The following TLDC2 variants were observed in gnomAD, a reference collection of about 807,000 sequenced individuals.
The protein encoded by TLDC2 is TLD domain-containing protein 2.
In TLDC2, 23 loss-of-function variants were observed where a neutral mutation model predicts 27.9. The observed-to-expected ratio is 0.82, with a 90% CI of 0.59 to 1.17. The LOEUF (loss-of-function observed/expected upper bound fraction) is 1.17. TLDC2 is among the 50% of genes most tolerant of loss of function. TLDC2 has a pLI of 0.00. For missense variants in TLDC2, 286 were observed against 273.4 expected (o/e 1.05, Z -0.32); for synonymous variants, 124 against 107.4 (o/e 1.16, Z -0.96).
At position 36,888,704 on chromosome 20, in the gene TLDC2, C is replaced by CA. The variant is rs35828858; in HGVS notation, c.513-523dup. Among the ~76,000 whole-genome samples, 469 of 62,682 alleles carry CA rather than the reference C, an allele frequency of 7.5e-3. 8 individuals carry two copies. Among genetic ancestry groups the CA allele is most frequent in the Middle Eastern group, 0.05 (4 of 80 alleles). 41.1% of individuals were successfully genotyped at this position (62,682 alleles called of 152,430 possible). On this transcript the variant is annotated intron_variant, in intron 5 of 6. Transcript: ENST00000217320. ...CTGGGCGACAGAGCAAGACTCCTAT[C>CA]AAAAAAAAAAAAAAAAAAAAAAAAT...
chr20:36,877,665 G>T (rs912240170), intron 1 of TLDC2, among the ~76,000 whole-genome samples: 2 of 152,170 alleles, frequency 1.3e-5, no homozygotes, highest in African/African-American at 2.4e-5. Context: ...TGGCGGGGGT[G>T]GGGGGACTGT....
chr20:36,877,609 C>T lies in TLDC2; in HGVS notation c.34-290C>T, dbSNP rs185110476. On this transcript the variant is annotated intron_variant, in intron 1 of 6. Transcript: ENST00000217320. The stretch of plus-strand genomic sequence containing the variant: ...CCACCCAGGACCATGGCAAACAGAC[C>T]GACAAGTCGCACGGCCCACGGCCCC... 4.5e-4 allele frequency among the ~76,000 whole-genome samples: 69 copies of T among 152,260 alleles called. 1 individual carries two copies. Among genetic ancestry groups the T allele is most frequent in the Admixed American group, 1.0e-3 (16 of 15,298 alleles).
intron 1 of TLDC2, among the ~76,000 whole-genome samples, chr20:36,877,320 G>A (rs4293610): frequency 0.29 from 43,930 of 149,396 alleles, 6,700 homozygotes; most frequent in Middle Eastern, 0.33. Flanking sequence ...GCCAGAGGTC[G>A]CAGTGAGCTG....
At chr20:36,879,311 A>C in intron 3 of TLDC2, 118 bp downstream of exon 3, 1 of 1,292,034 alleles carries the variant, frequency 7.7e-7, no homozygotes, top group Non-Finnish European at 1.0e-6. Flanking sequence ...GTCACCTATA[A>C]TGGACACTGA....
At chr20:36,876,339 G>C in intron 1 of TLDC2, 132 bp downstream of exon 1, 2 of 1,253,716 alleles carry the variant, frequency 1.6e-6, no homozygotes, top group Non-Finnish European at 2.3e-6. Flanking sequence ...TCCCTGGCAG[G>C]CCTGTGGTTT....
rs1424868252 is a variant in TLDC2, at chr20:36,887,480, CT to C, written c.467del (p.Phe156SerfsTer3). The C allele has an allele frequency of 9.9e-6, 16 of 1,614,130 alleles. No individual in the cohort carries two copies. The highest frequency in any genetic ancestry group is 1.4e-5 in the Non-Finnish European group (16 of 1,180,010). ...LKVFKWTGSN[S>X]FFVKGDLDSL... Reference sequence around the variant, plus strand: ...GTCTTTAAGTGGACTGGAAGCAACTCTTTCTTTGTGAAGGGAGACTTGGATT... The same window carrying C: ...GTCTTTAAGTGGACTGGAAGCAACTCTTCTTTGTGAAGGGAGACTTGGATT... On this transcript the variant is annotated frameshift_variant, in exon 5 of 7. Coordinates refer to ENST00000217320, the MANE Select transcript of TLDC2 (RefSeq NM_080628.3). LOFTEE classifies it high-confidence loss of function.
In TLDC2 at chr20:36,893,183, T is replaced by C; in HGVS notation, c.*339T>C. The stretch of plus-strand genomic sequence containing the variant: ...ATCTTGCATATAGATTGCTTCTAGC[T>C]GTCCTCAATCCAGGGAAACTCCAAA... On this transcript the variant is annotated 3_prime_UTR_variant, in exon 7 of 7. Transcript: ENST00000217320. 2.3e-6 allele frequency: 3 copies of C among 1,306,382 alleles called. No individual in the cohort carries two copies. In the South Asian group the frequency reaches 3.7e-5, roughly 16 times the overall value. The allele number at this position is 1,306,382 out of a possible 1,614,324, so 80.9% of individuals were successfully genotyped here.
intron 5 of TLDC2, among the ~76,000 whole-genome samples, 199 bp from the exon 6 acceptor site, chr20:36,889,052 T>C (rs192296355): frequency 6.0e-5 from 9 of 151,032 alleles, no homozygotes; most frequent in African/African-American, 1.2e-4. Flanking sequence ...AATAAACAAA[T>C]AAATAAATAA....
chr20:36,884,051 G>A (rs897828198), intron 4 of TLDC2, among the ~76,000 whole-genome samples: 1 of 152,174 alleles, frequency 6.6e-6, no homozygotes, highest in Non-Finnish European at 1.5e-5. Flanking sequence ...TTGAGATCGT[G>A]CTGCTGCACT....
rs998224202 is a variant in TLDC2 at position 36,886,165 on chromosome 20, G to A, written c.439-1290G>A. Reference sequence around the variant, plus strand: ...TTTTTTAGAGTTGGGGTCTTGCGCTGTTATCCACGCTAGAGTGCAGTGGTG... The same window carrying A: ...TTTTTTAGAGTTGGGGTCTTGCGCTATTATCCACGCTAGAGTGCAGTGGTG... On this transcript the variant is annotated intron_variant, in intron 4 of 6. Transcript: ENST00000217320. Among the ~76,000 whole-genome samples the A allele has an allele frequency of 9.2e-5, 14 of 152,208 alleles. 1 individual carries two copies. The highest frequency in any genetic ancestry group is 2.0e-4 in the Admixed American group (3 of 15,272).
At chr20:36,880,524 C>T (rs1345065562) in intron 3 of TLDC2, 131 bp from the exon 4 acceptor site, 1 of 667,628 alleles carries the variant, frequency 1.5e-6, no homozygotes, top group East Asian at 2.7e-5. Context: ...GTGGAGCCCC[C>T]ATGCCCCAGC....
At chr20:36,876,880 T>C (rs1414498088) in intron 1 of TLDC2, among the ~76,000 whole-genome samples, 1 of 152,104 alleles carries the variant, frequency 6.6e-6, no homozygotes, top group Admixed American at 6.5e-5. Context: ...ACAAACACAT[T>C]GATATATAAA....
rs1271391369 is a variant in TLDC2, at chr20:36,877,315, A to C, written c.34-584A>C. Among the ~76,000 whole-genome samples, 4 of 149,294 alleles carry C rather than the reference A, an allele frequency of 2.7e-5. No individual in the cohort carries two copies. In the East Asian group the frequency reaches 7.9e-4, roughly 29 times the overall value. The stretch of plus-strand genomic sequence containing the variant: ...AGAATTGCTTTAACCTGGGAGCCAG[A>C]GGTCGCAGTGAGCTGACATTGCACC... On this transcript the variant is annotated intron_variant, in intron 1 of 6. Transcript: ENST00000217320.
rs761959195 is a variant in TLDC2, at chr20:36,880,739, C to G, written c.427C>G (p.Pro143Ala). 1.1e-5 allele frequency: 17 copies of G among 1,614,106 alleles called. No homozygotes were observed. Among genetic ancestry groups the G allele is most frequent in the Non-Finnish European group, 1.4e-5 (17 of 1,179,936 alleles). Residue 143 changes from proline to alanine, a missense_variant, in exon 4 of 7, where the codon CCA (proline) becomes GCA (alanine). By Grantham distance (27) the Pro-to-Ala change is conservative. Coordinates refer to ENST00000217320, the MANE Select transcript of TLDC2 (RefSeq NM_080628.3). ...TGETFLFSFSPQLKVFKWTGS... is the reference protein window; with the variant it reads ...TGETFLFSFSAQLKVFKWTGS... ...CGAGACATTCCTCTTCTCCTTCTCCCCACAGCTGAAGGTGATGTTCCCAAC... is the reference window on the plus strand; with the variant it reads ...CGAGACATTCCTCTTCTCCTTCTCCGCACAGCTGAAGGTGATGTTCCCAAC...
intron 6 of TLDC2, 149 bp downstream of exon 6, chr20:36,889,552 G>A: frequency 2.2e-6 from 2 of 892,056 alleles, no homozygotes; most frequent in Non-Finnish European, 3.3e-6. Context: ...ACAGGTGGGG[G>A]CAGGCACTGC....
At chr20:36,888,021 C>T (rs563995479) in intron 5 of TLDC2, among the ~76,000 whole-genome samples, 1 of 152,252 alleles carries the variant, frequency 6.6e-6, no homozygotes, top group East Asian at 1.9e-4. Flanking sequence ...TGATTAGTAC[C>T]AGGCAAATTC....
At position 36,879,140 on chromosome 20, in the gene TLDC2, A is replaced by C; in HGVS notation, c.289A>C (p.Met97Leu). Residue 97 changes from methionine (M) to leucine (L), a missense_variant, in exon 3 of 7, where the codon ATG (methionine) becomes CTG (leucine). Physicochemically the swap from Met to Leu is conservative, Grantham distance 15. Coordinates refer to ENST00000217320, the MANE Select transcript of TLDC2 (RefSeq NM_080628.3). ...GFSLQSLYRR[M>L]EGCSGPVLLV... ...CAGCCTGCAGAGCCTGTACCGGCGG[A>C]TGGAGGGCTGCAGCGGGCCAGTGCT... is the stretch of plus-strand genomic sequence containing the variant. 2 of 1,613,974 alleles carry C rather than the reference A, an allele frequency of 1.2e-6. No individual in the cohort carries two copies. The highest frequency in any genetic ancestry group is 1.7e-6 in the Non-Finnish European group (2 of 1,179,996).
Position 36,889,240 on chromosome 20 carries a change from C to A in TLDC2, c.513-11C>A. On this transcript the variant is annotated splice_polypyrimidine_tract_variant and intron_variant, in intron 5 of 6. Coordinates refer to ENST00000217320, the MANE Select transcript of TLDC2 (RefSeq NM_080628.3). ...GAGTGAGCCGCACCAAGACTGTCCTCTTCTCTCTAGTGGCCGGTTTGGGCT... is the reference window on the plus strand; with the variant it reads ...GAGTGAGCCGCACCAAGACTGTCCTATTCTCTCTAGTGGCCGGTTTGGGCT... 2 of 1,613,972 alleles carry A rather than the reference C, an allele frequency of 1.2e-6. No individual in the cohort carries two copies. The highest frequency in any genetic ancestry group is 8.5e-7 in the Non-Finnish European group (1 of 1,179,902).
At chr20:36,880,803 T>C (rs1384190598) in intron 4 of TLDC2, 53 bp downstream of exon 4, 2 of 1,542,550 alleles carry the variant, frequency 1.3e-6, no homozygotes, top group Non-Finnish European at 1.8e-6. Flanking sequence ...GAGACAAAGC[T>C]CCCGGGGTCC....
Sources: gnomAD v4.1 joint callset for allele counts (sites outside exome capture counted in the v4.1 genomes callset) on GRCh38, gnomAD v4.1.1 for gene constraint, MANE v1.5 for transcripts, NCBI Gene and HGNC (gene_info 2026-07-23, HGNC 2026-07-21) for gene names.